FAM222B: variants seen among roughly 807,000 people sequenced by gnomAD.
The protein encoded by FAM222B is protein FAM222B.
In FAM222B, 12 loss-of-function variants were observed where a neutral mutation model predicts 38.0. That is an observed-to-expected ratio of 0.32 (90% CI 0.20 to 0.51). The LOEUF is 0.51. Among genes scored for constraint, FAM222B ranks in the 20% least tolerant of loss-of-function variants. FAM222B has a pLI of 0.97. For missense variants in FAM222B, 716 were observed against 754.2 expected (o/e 0.95, Z 0.59); for synonymous variants, 329 against 317.2 (o/e 1.04, Z -0.40).
In FAM222B at chr17:28,759,057, C is replaced by A; in HGVS notation, c.902G>T (p.Ser301Ile). The change falls in exon 3 of 3, where the codon AGT becomes ATT. Residue 301 changes from serine to isoleucine, a missense_variant. Ser to Ile is a moderately radical substitution (Grantham distance 142). Transcript: ENST00000581407. The surrounding 1 kb of genome is among the most constrained non-coding windows in gnomAD (Gnocchi z 4.8). Reference protein sequence around the residue: ...QIANPSPISRSLLINASTRVS... With the variant: ...QIANPSPISRILLINASTRVS... The stretch of plus-strand genomic sequence containing the variant: ...CCGGGTGCTTGCATTGATGAGCAGA[C>A]TGCGACTAATGGGGCTGGGGTTGGC... The A allele has an allele frequency of 5.6e-6, 9 of 1,612,634 alleles. No homozygotes were observed. Among genetic ancestry groups the A allele is most frequent in the Non-Finnish European group, 7.6e-6 (9 of 1,179,320 alleles).
intron 2 of FAM222B, among the ~76,000 whole-genome samples, chr17:28,763,661 C>A (rs2035189549): frequency 6.6e-6 from 1 of 152,220 alleles, no homozygotes; most frequent in Non-Finnish European, 1.5e-5. Context: ...GAGTATGGGC[C>A]AGTCACAGGA....
At chr17:28,820,367 T>G (rs985668762) in intron 1 of FAM222B, among the ~76,000 whole-genome samples, 15 of 152,168 alleles carry the variant, frequency 9.9e-5, no homozygotes, top group African/African-American at 3.6e-4. Flanking sequence ...GGAGTGTTAG[T>G]TTTGTCTAAA....
rs1338796748 is a variant in FAM222B, at chr17:28,854,977, C to A, written c.-68G>T. On this transcript the variant is annotated 5_prime_UTR_variant, in exon 1 of 3. Coordinates refer to the FAM222B transcript ENST00000577513. ...CTCTCCTACTCGCTGGTTCGTCAGC[C>A]GCTCTGTTCAATCGTAGGAGCGCTC... The A allele has an allele frequency of 1.4e-5, 21 of 1,507,242 alleles. No homozygotes were observed. In the East Asian group the frequency reaches 4.8e-4, roughly 35 times the overall value. 93.4% of individuals were successfully genotyped at this position (1,507,242 alleles called of 1,614,324 possible). A position where few individuals can be genotyped will look rare whatever the true frequency, so the allele number is the denominator to read the frequency against.
Position 28,758,205 on chromosome 17 carries a change from A to T in FAM222B, c.*65T>A. ...AGTGAAACTTTGAAACTATCCAGTT[A>T]CTTAAAAGACTAAACCTAGGAGGGT... On this transcript the variant is annotated 3_prime_UTR_variant, in exon 3 of 3. Coordinates refer to ENST00000581407, the MANE Select transcript of FAM222B (RefSeq NM_001077498.3). 2 of 1,309,758 alleles carry T rather than the reference A, an allele frequency of 1.5e-6. No homozygotes were observed. The highest frequency in any genetic ancestry group is 2.1e-6 in the Non-Finnish European group (2 of 947,568). The allele number at this position is 1,309,758 out of a possible 1,614,324, so 81.1% of individuals were successfully genotyped here.
chr17:28,802,218 C>T lies in FAM222B; in HGVS notation c.-40-35511G>A, dbSNP rs933538076. 2.6e-5 allele frequency among the ~76,000 whole-genome samples: 4 copies of T among 152,088 alleles called. No homozygotes were observed. In the East Asian group the frequency reaches 5.8e-4, roughly 22 times the overall value. On this transcript the variant is annotated intron_variant, in intron 1 of 2. Coordinates refer to ENST00000581407, the MANE Select transcript of FAM222B (RefSeq NM_001077498.3). ...GTTCAAGCAATTCTCCTGCTTCAGC[C>T]TCCCGAGTAGCTGGGATTACAAGTG...
intron 1 of FAM222B, among the ~76,000 whole-genome samples, chr17:28,836,915 C>T (rs774819953): frequency 3.9e-5 from 6 of 151,938 alleles, no homozygotes; most frequent in Non-Finnish European, 7.4e-5. Context: ...GTCAGGAGTT[C>T]GAGACCAGCC....
At chr17:28,781,089 G>A (rs958892512) in intron 1 of FAM222B, among the ~76,000 whole-genome samples, 1 of 152,046 alleles carries the variant, frequency 6.6e-6, no homozygotes, top group Non-Finnish European at 1.5e-5. Context: ...CAATAGGTAC[G>A]TGAAAAAATG....
chr17:28,781,645 A>G (rs2036173462), intron 1 of FAM222B, among the ~76,000 whole-genome samples: 1 of 152,230 alleles, frequency 6.6e-6, no homozygotes, highest in Admixed American at 6.5e-5. Flanking sequence ...GTGTCAGTCT[A>G]TCAATGGATG....
intron 1 of FAM222B, among the ~76,000 whole-genome samples, chr17:28,809,722 T>C (rs916446268): frequency 6.6e-6 from 1 of 152,008 alleles, no homozygotes; most frequent in Middle Eastern, 3.2e-3. Context: ...CACACCTTAA[T>C]CCCAACACTT....
At position 28,765,966 on chromosome 17, in the gene FAM222B, T is replaced by C. The variant is rs531551459; in HGVS notation, c.82+620A>G. The stretch of plus-strand genomic sequence containing the variant: ...CAAAACAAGAGAACAGCATAGTTTA[T>C]TTCAGAGATATAGTAAGTAATCTGG... On this transcript the variant is annotated intron_variant, in intron 2 of 2. Coordinates refer to ENST00000581407, the MANE Select transcript of FAM222B (RefSeq NM_001077498.3). 4.6e-5 allele frequency among the ~76,000 whole-genome samples: 7 copies of C among 152,306 alleles called. No homozygotes were observed. The East Asian group carries it at 1.3e-3, about 29-fold the overall frequency.
At chr17:28,805,089 T>C (rs904323217) in intron 1 of FAM222B, among the ~76,000 whole-genome samples, 8 of 151,242 alleles carry the variant, frequency 5.3e-5, no homozygotes, top group Middle Eastern at 3.5e-3. Context: ...CTGGACATGA[T>C]AGCTCATGGT....
intron 1 of FAM222B, among the ~76,000 whole-genome samples, chr17:28,830,945 A>G (rs1282023950): frequency 6.6e-6 from 1 of 150,690 alleles, no homozygotes; most frequent in Non-Finnish European, 1.5e-5. Flanking sequence ...TTGCCTTTGC[A>G]CCTCGGTCAA....
chr17:28,758,657 T>G lies in FAM222B; in HGVS notation c.1302A>C (p.Pro434=). 6.2e-7 allele frequency: 1 copy of G among 1,609,652 alleles called. No homozygotes were observed. The highest frequency in any genetic ancestry group is 8.5e-7 in the Non-Finnish European group (1 of 1,177,592). ...PPLEKPTPSP[P]VNGMAAPLAY... is the part of the protein sequence containing the mutation. ...CCAATGGGGCTGCCATGCCGTTGAC[T>G]GGTGGGGATGGGGTCGGCTTTTCCA... The change falls in exon 3 of 3, where the codon CCA becomes CCC. Residue 434 remains proline, a synonymous_variant. Coordinates refer to ENST00000581407, the MANE Select transcript of FAM222B (RefSeq NM_001077498.3).
At chr17:28,804,424 T>C (rs1398444784) in intron 1 of FAM222B, among the ~76,000 whole-genome samples, 1 of 151,810 alleles carries the variant, frequency 6.6e-6, no homozygotes, top group Non-Finnish European at 1.5e-5. Context: ...AACCTCCACC[T>C]CTCGGGTTCA....
At chr17:28,768,872 G>C (rs966892038) in intron 1 of FAM222B, among the ~76,000 whole-genome samples, 10 of 148,036 alleles carry the variant, frequency 6.8e-5, no homozygotes, top group Non-Finnish European at 8.9e-5. Flanking sequence ...AGAGACTTCT[G>C]TTGGGGTCTG....
At chr17:28,830,819 C>G (rs112804981) in intron 1 of FAM222B, among the ~76,000 whole-genome samples, 3 of 148,858 alleles carry the variant, frequency 2.0e-5, no homozygotes, top group South Asian at 2.1e-4. Context: ...AACCCCATCT[C>G]TATTAAAAAA....
chr17:28,853,636 T>TG (rs1454480620), intron 1 of FAM222B, among the ~76,000 whole-genome samples: 1 of 152,222 alleles, frequency 6.6e-6, no homozygotes, highest in Non-Finnish European at 1.5e-5. Context: ...ATTTTAGAGA[T>TG]GGGGTCCCTG....
intron 1 of FAM222B, among the ~76,000 whole-genome samples, chr17:28,768,528 A>G (rs895292749): frequency 3.9e-5 from 6 of 151,916 alleles, no homozygotes; most frequent in Non-Finnish European, 8.8e-5. Flanking sequence ...AGCCAACTTC[A>G]GTGCCTCAAG....
At chr17:28,798,418 T>C (rs1036127010) in intron 1 of FAM222B, among the ~76,000 whole-genome samples, 1 of 151,856 alleles carries the variant, frequency 6.6e-6, no homozygotes, top group Non-Finnish European at 1.5e-5. Flanking sequence ...AATAAAGCAG[T>C]GTAAGGAAAT....
Sources: gnomAD v4.1 joint callset for allele counts (sites outside exome capture counted in the v4.1 genomes callset) on GRCh38, gnomAD v4.1.1 for gene constraint, Gnocchi (gnomAD v3.1) non-coding constraint, MANE v1.5 for transcripts, NCBI Gene and HGNC (gene_info 2026-07-23, HGNC 2026-07-21) for gene names.